Variants in RADIL observed in about 807,000 individuals in gnomAD.
RADIL encodes the protein Rap associating with DIL domain.
In RADIL, 99 loss-of-function variants were observed where a neutral mutation model predicts 97.6. The observed-to-expected ratio is 1.01, with a 90% CI of 0.86 to 1.20. The LOEUF (loss-of-function observed/expected upper bound fraction) is 1.20, where lower values mean the gene tolerates loss of function less well. Among genes scored for constraint, RADIL ranks in the 50% most tolerant of loss-of-function variants. The pLI is 0.00. For missense variants in RADIL, 1,765 were observed against 1,498.9 expected (o/e 1.18, Z -2.93); for synonymous variants, 803 against 691.8 (o/e 1.16, Z -2.52).
chr7:4,874,696 TAGAC>T (rs1784329489), intron 2 of RADIL, among the ~76,000 whole-genome samples: 2 of 152,202 alleles, frequency 1.3e-5, no homozygotes, highest in Admixed American at 1.3e-4. Context: ...GCCACGAGCT[TAGAC>T]AGGCTGTGAG....
rs1784311882 is a variant in RADIL at position 4,873,992 on chromosome 7, G to C, written c.535+3613C>G. Among the ~76,000 whole-genome samples the C allele has an allele frequency of 6.6e-6, 1 of 152,232 alleles. No homozygotes were observed. Among genetic ancestry groups the C allele is most frequent in the African/African-American group, 2.4e-5 (1 of 41,466 alleles). On this transcript the variant is annotated intron_variant, in intron 2 of 14. Transcript: ENST00000399583. The surrounding 1 kb of genome is among the most constrained non-coding windows in gnomAD (Gnocchi z 4.3). ...CGTTCCCCTTGGAGGGGCGAGGGAG[G>C]AATCGCCTAGTGCCGGCTGCAAACT...
Position 4,822,636 on chromosome 7 carries a change from G to T in RADIL, c.1455-82C>A. The stretch of plus-strand genomic sequence containing the variant: ...TCTACCACTCTTTCTACATAAGGAT[G>T]CGCGTTTTCATGGGACGCTGACAAC... On this transcript the variant is annotated intron_variant, in intron 5 of 14. Coordinates refer to ENST00000399583, the MANE Select transcript of RADIL (RefSeq NM_018059.5). The surrounding 1 kb of genome is among the most constrained non-coding windows in gnomAD (Gnocchi z 5.3). 6.8e-7 allele frequency: 1 copy of T among 1,480,008 alleles called. No homozygotes were observed. The allele number at this position is 1,480,008 out of a possible 1,614,324, so 91.7% of individuals were successfully genotyped here. A position where few individuals can be genotyped will look rare whatever the true frequency, so the allele number is the denominator to read the frequency against.
rs147191960 is a variant in RADIL at position 4,801,533 on chromosome 7, G to A, written c.2842+120C>T. 875 of 1,098,904 alleles carry A rather than the reference G, an allele frequency of 8.0e-4. 4 individuals are homozygous for A. Among genetic ancestry groups the A allele is most frequent in the African/African-American group, 5.1e-3 (318 of 62,094 alleles). 68.1% of individuals were successfully genotyped at this position (1,098,904 alleles called of 1,614,324 possible). ...TCTGGCCCCGTCTCAGGTTGCAGGT[G>A]TCTGTGGGGCAGGTAAGGAAACCTA... is the stretch of plus-strand genomic sequence containing the variant. On this transcript the variant is annotated intron_variant, in intron 12 of 14. Transcript: ENST00000399583.
chr7:4,836,274 G>A, intron 3 of RADIL, 84 bp downstream of exon 3: 2 of 1,535,600 alleles, frequency 1.3e-6, no homozygotes, highest in South Asian at 1.2e-5. Flanking sequence ...CTGGGCTAAA[G>A]GCAGGCGGAG....
At position 4,878,830 on chromosome 7, in the gene RADIL, C is replaced by A. The variant is rs1388393227; in HGVS notation, c.-64-627G>T. Reference sequence around the variant, plus strand: ...GGAGCCGGCCCCAGCACCATCACAGCCACAGAAGAGCAGCGGGCAGCCCAA... The same window carrying A: ...GGAGCCGGCCCCAGCACCATCACAGACACAGAAGAGCAGCGGGCAGCCCAA... On this transcript the variant is annotated intron_variant, in intron 1 of 14. Coordinates refer to ENST00000399583, the MANE Select transcript of RADIL (RefSeq NM_018059.5). This position sits in a 1 kb window ranked among gnomAD's most constrained non-coding sequence, Gnocchi z 4.1. 6.6e-6 allele frequency among the ~76,000 whole-genome samples: 1 copy of A among 152,244 alleles called. No individual in the cohort carries two copies. The highest frequency in any genetic ancestry group is 1.5e-5 in the Non-Finnish European group (1 of 68,044).
At position 4,877,600 on chromosome 7, in the gene RADIL, C is replaced by A; in HGVS notation, c.535+5G>T. 3.8e-6 allele frequency: 6 copies of A among 1,583,578 alleles called. No individual in the cohort carries two copies. The highest frequency in any genetic ancestry group is 5.1e-6 in the Non-Finnish European group (6 of 1,166,852). On this transcript the variant is annotated splice_donor_5th_base_variant and intron_variant, in intron 2 of 14. Transcript: ENST00000399583. ...GGCTCTTCCTGAACCTGTGGCCCCC[C>A]TCACCTGCCGTGATGGTGTCCACCT...
chr7:4,848,964 C>G (rs1348559066), intron 2 of RADIL, among the ~76,000 whole-genome samples: 1 of 152,016 alleles, frequency 6.6e-6, no homozygotes, highest in African/African-American at 2.4e-5. Context: ...CATGGAGAAA[C>G]CTCATCTCTA....
rs941161878 is a variant in RADIL, at chr7:4,809,142, G to A, written c.2140-3426C>T. 3.0e-5 allele frequency: 30 copies of A among 985,198 alleles called. No homozygotes were observed. In the Middle Eastern group the frequency reaches 2.1e-3, roughly 69 times the overall value. 61.0% of individuals were successfully genotyped at this position (985,198 alleles called of 1,614,324 possible). ...CAGGCGCTTCCTGGCCTCAGCGTGG[G>A]GTGGCCCGGCCGCTTCTGGAAGACC... On this transcript the variant is annotated intron_variant, in intron 9 of 14. Transcript: ENST00000399583.
intron 5 of RADIL, among the ~76,000 whole-genome samples, chr7:4,826,852 G>C (rs140671620): frequency 6.6e-6 from 1 of 152,278 alleles, no homozygotes; most frequent in East Asian, 1.9e-4. Context: ...ATCAGGAATG[G>C]CAATAAACCT....
chr7:4,802,081 G>C lies in RADIL; in HGVS notation c.2500-86C>G. The stretch of plus-strand genomic sequence containing the variant: ...GCAACTGGGCAGCCTGCAGCAGAAG[G>C]GCCGCCAGGCCGCGGGGCAGAGGTC... On this transcript the variant is annotated intron_variant, in intron 11 of 14. Coordinates refer to ENST00000399583, the MANE Select transcript of RADIL (RefSeq NM_018059.5). The C allele has an allele frequency of 5.2e-6, 6 of 1,150,786 alleles. No individual in the cohort carries two copies. The Admixed American group carries it at 8.8e-5, about 17-fold the overall frequency. The allele number at this position is 1,150,786 out of a possible 1,614,324, so 71.3% of individuals were successfully genotyped here.
intron 12 of RADIL, among the ~76,000 whole-genome samples, chr7:4,801,319 G>C (rs1025948650): frequency 6.6e-6 from 1 of 152,188 alleles, no homozygotes; most frequent in Non-Finnish European, 1.5e-5. Flanking sequence ...AGACCCCTGG[G>C]TTCCCCCTCA....
intron 9 of RADIL, among the ~76,000 whole-genome samples, chr7:4,806,433 C>A (rs956494419): frequency 6.6e-6 from 1 of 152,170 alleles, no homozygotes; most frequent in African/African-American, 2.4e-5. Flanking sequence ...GCAATCCTCC[C>A]GCCTCAGCCT....
Position 4,813,194 on chromosome 7 carries a change from G to A in RADIL, c.2139+2084C>T, listed in dbSNP as rs1353798595. ...AGTGGTGTGATCATGGCTCACTGAAGCGTTTAATTCCTGGACTCAAATGAT... is the reference window on the plus strand; with the variant it reads ...AGTGGTGTGATCATGGCTCACTGAAACGTTTAATTCCTGGACTCAAATGAT... On this transcript the variant is annotated intron_variant, in intron 9 of 14. Transcript: ENST00000399583. This position sits in a 1 kb window ranked among gnomAD's most constrained non-coding sequence, Gnocchi z 5.0. 1.3e-5 allele frequency among the ~76,000 whole-genome samples: 2 copies of A among 151,636 alleles called. No homozygotes were observed. The highest frequency in any genetic ancestry group is 2.9e-5 in the Non-Finnish European group (2 of 67,912).
At chr7:4,870,169 AC>A (rs1304715940) in intron 2 of RADIL, among the ~76,000 whole-genome samples, 2 of 152,112 alleles carry the variant, frequency 1.3e-5, no homozygotes, top group African/African-American at 2.4e-5. Context: ...AACAACAAAA[AC>A]AAAGATGGAC....
intron 2 of RADIL, among the ~76,000 whole-genome samples, chr7:4,863,592 G>A (rs150578766): frequency 1.3e-5 from 2 of 152,344 alleles, no homozygotes; most frequent in Admixed American, 6.5e-5. Context: ...TCTAGATGGT[G>A]CAACTTTGAA....
At chr7:4,855,478 C>T (rs1348199129) in intron 2 of RADIL, among the ~76,000 whole-genome samples, 3 of 151,954 alleles carry the variant, frequency 2.0e-5, no homozygotes, top group African/African-American at 4.8e-5. Flanking sequence ...AGTGTGGGCC[C>T]GTCAACTGTG....
At chr7:4,855,372 G>C (rs1783801072) in intron 2 of RADIL, among the ~76,000 whole-genome samples, 1 of 151,992 alleles carries the variant, frequency 6.6e-6, no homozygotes, top group African/African-American at 2.4e-5. Context: ...CACAGACTCT[G>C]GTCACCCCAA....
intron 9 of RADIL, chr7:4,809,462 A>G (rs1782472636): frequency 1.0e-6 from 1 of 985,416 alleles, no homozygotes; most frequent in East Asian, 1.1e-4. Context: ...CAAGCCAACG[A>G]ATTTCCCCCG....
At chr7:4,804,102 C>A (rs1583260121) in intron 10 of RADIL, 1 of 352,906 alleles carries the variant, frequency 2.8e-6, no homozygotes, top group East Asian at 6.3e-5. Context: ...CTCCCCCAGC[C>A]CGGCAGAGCT....
Sources: gnomAD v4.1 joint callset for allele counts (sites outside exome capture counted in the v4.1 genomes callset) on GRCh38, gnomAD v4.1.1 for gene constraint, Gnocchi (gnomAD v3.1) non-coding constraint, MANE v1.5 for transcripts, NCBI Gene and HGNC (gene_info 2026-07-23, HGNC 2026-07-21) for gene names.